The following RUNDC3B variants were observed in gnomAD, a reference collection of about 807,000 sequenced individuals.
The protein encoded by RUNDC3B is RUN domain-containing protein 3B.
RUNDC3B carries 33 observed loss-of-function variants against 58.4 expected under a neutral mutation model. That is an observed-to-expected ratio of 0.56 (90% CI 0.43 to 0.75). RUNDC3B has a LOEUF of 0.75. RUNDC3B is among the 30% of genes least tolerant of loss of function. The pLI is 0.00. For missense variants in RUNDC3B, 501 were observed against 535.7 expected (o/e 0.94, Z 0.64); for synonymous variants, 193 against 195.2 (o/e 0.99, Z 0.10).
At chr7:87,740,000 T>C (rs1832220269) in intron 5 of RUNDC3B, 120 bp downstream of exon 5, 1 of 453,730 alleles carries the variant, frequency 2.2e-6, no homozygotes. Flanking sequence ...ATTTGATTCA[T>C]GTTGTTCTCT....
intron 8 of RUNDC3B, among the ~76,000 whole-genome samples, chr7:87,803,765 G>A (rs997530281): frequency 3.3e-5 from 5 of 151,804 alleles, no homozygotes; most frequent in Non-Finnish European, 7.4e-5. Context: ...TATTTTTTTC[G>A]ATTGTCATGA....
intron 9 of RUNDC3B, among the ~76,000 whole-genome samples, chr7:87,808,169 C>A (rs188260882): frequency 6.6e-6 from 1 of 151,984 alleles, no homozygotes; most frequent in African/African-American, 2.4e-5. Flanking sequence ...ATTTTTCTAT[C>A]TTAAGCTAAT....
At chr7:87,659,037 CCA>C (rs1461119904) in intron 2 of RUNDC3B, among the ~76,000 whole-genome samples, 1 of 152,022 alleles carries the variant, frequency 6.6e-6, no homozygotes, top group African/African-American at 2.4e-5. Flanking sequence ...TCTGTGGGTC[CCA>C]CCTATTTGGG....
intron 7 of RUNDC3B, among the ~76,000 whole-genome samples, chr7:87,770,992 T>A (rs961834666): frequency 5.3e-5 from 8 of 152,220 alleles, no homozygotes; most frequent in Non-Finnish European, 1.2e-4. Flanking sequence ...GCAGCTTAAT[T>A]TATGTATTTG....
At chr7:87,798,800 A>G (rs1157719314) in intron 8 of RUNDC3B, among the ~76,000 whole-genome samples, 2 of 152,186 alleles carry the variant, frequency 1.3e-5, no homozygotes, top group East Asian at 3.8e-4. Context: ...AGACTTGTTT[A>G]GATTTAGGTT....
In RUNDC3B at chr7:87,650,979, T is replaced by G. The variant is rs768892674; in HGVS notation, c.238+42T>G. The G allele has an allele frequency of 1.3e-5, 15 of 1,153,454 alleles. No individual in the cohort carries two copies. In the Admixed American group the frequency reaches 2.7e-4, roughly 21 times the overall value. The allele number at this position is 1,153,454 out of a possible 1,614,324, so 71.5% of individuals were successfully genotyped here. A position where few individuals can be genotyped will look rare whatever the true frequency, so the allele number is the denominator to read the frequency against. On this transcript the variant is annotated intron_variant, in intron 2 of 10. Transcript: ENST00000394654. Reference sequence around the variant, plus strand: ...ACTATTTATTTTCCCACCAGCTGTCTTTATAATAAGCTTGAAATTTTAGAA... The same window carrying G: ...ACTATTTATTTTCCCACCAGCTGTCGTTATAATAAGCTTGAAATTTTAGAA...
chr7:87,820,856 T>C (rs1171798728), intron 10 of RUNDC3B, among the ~76,000 whole-genome samples: 39 of 151,894 alleles, frequency 2.6e-4, no homozygotes, highest in Non-Finnish European at 2.9e-5. Context: ...TGCTAAAAAC[T>C]CTCAATAAAT....
At chr7:87,644,877 C>T (rs1822825548) in intron 1 of RUNDC3B, among the ~76,000 whole-genome samples, 1 of 151,792 alleles carries the variant, frequency 6.6e-6, no homozygotes, top group South Asian at 2.1e-4. Context: ...TTTGTCCTCA[C>T]ATTTAAAATT....
chr7:87,672,704 T>C (rs1825951733), intron 2 of RUNDC3B, among the ~76,000 whole-genome samples: 1 of 152,124 alleles, frequency 6.6e-6, no homozygotes, highest in African/African-American at 2.4e-5. Context: ...GTGGAATGGG[T>C]TCACAAGGAG....
intron 2 of RUNDC3B, among the ~76,000 whole-genome samples, chr7:87,661,913 C>G (rs930943428): frequency 1.3e-5 from 2 of 151,924 alleles, no homozygotes; most frequent in African/African-American, 4.8e-5. Flanking sequence ...CACCAGTATT[C>G]ATTATTGCTT....
intron 2 of RUNDC3B, among the ~76,000 whole-genome samples, chr7:87,698,336 C>T (rs992422725): frequency 6.6e-6 from 1 of 152,130 alleles, no homozygotes; most frequent in Non-Finnish European, 1.5e-5. Context: ...CCACATGATC[C>T]TCCCACCTCG....
chr7:87,705,455 A>G (rs1418691798), intron 3 of RUNDC3B, among the ~76,000 whole-genome samples: 1 of 152,150 alleles, frequency 6.6e-6, no homozygotes, highest in African/African-American at 2.4e-5. Flanking sequence ...AACAACAAAA[A>G]AAAACAATGA....
intron 2 of RUNDC3B, among the ~76,000 whole-genome samples, chr7:87,657,770 C>A (rs1054895280): frequency 2.6e-5 from 4 of 152,100 alleles, no homozygotes; most frequent in African/African-American, 9.7e-5. Flanking sequence ...CCAGTGGAAA[C>A]CATGTAGGAA....
chr7:87,754,270 G>A (rs1429538150), intron 6 of RUNDC3B, among the ~76,000 whole-genome samples: 2 of 152,104 alleles, frequency 1.3e-5, no homozygotes, highest in African/African-American at 4.8e-5. Context: ...CAAAATAGAA[G>A]TCAAGACTCT....
chr7:87,766,314 T>C lies in RUNDC3B; in HGVS notation c.630-4267T>C, dbSNP rs115731826. Among the ~76,000 whole-genome samples the C allele has an allele frequency of 1.2e-3, 178 of 152,286 alleles. 2 individuals carry two copies. Among genetic ancestry groups the C allele is most frequent in the African/African-American group, 4.2e-3 (173 of 41,560 alleles). On this transcript the variant is annotated intron_variant, in intron 6 of 10. Transcript: ENST00000394654. ...GTTGATAACTAGTTGCTTTGTAATC[T>C]CAATTGTGTAATTGCTTTATCGGCT...
intron 4 of RUNDC3B, among the ~76,000 whole-genome samples, chr7:87,723,821 C>A (rs1181558972): frequency 1.3e-5 from 2 of 151,838 alleles, no homozygotes; most frequent in Non-Finnish European, 2.9e-5. Flanking sequence ...TGACAAAAAT[C>A]AGCCAATATT....
At chr7:87,718,566 ACT>A (rs757167842) in intron 4 of RUNDC3B, among the ~76,000 whole-genome samples, 47 of 151,906 alleles carry the variant, frequency 3.1e-4, no homozygotes, top group Admixed American at 3.9e-4. Flanking sequence ...CTATATGTTA[ACT>A]CTTTCTGCAC....
chr7:87,715,307 A>G (rs899502631), intron 4 of RUNDC3B, among the ~76,000 whole-genome samples: 19 of 132,654 alleles, frequency 1.4e-4, no homozygotes, highest in Non-Finnish European at 2.5e-4. Flanking sequence ...ATAATTATAT[A>G]TAATTAATTT....
intron 6 of RUNDC3B, among the ~76,000 whole-genome samples, chr7:87,744,405 A>G (rs755686611): frequency 6.6e-6 from 1 of 152,014 alleles, no homozygotes; most frequent in Non-Finnish European, 1.5e-5. Flanking sequence ...TTTTGGTAGT[A>G]TGGTCATTAT....
Sources: allele counts gnomAD v4.1 joint callset (sites outside exome capture counted in the v4.1 genomes callset), GRCh38; gene constraint gnomAD v4.1.1; transcripts MANE v1.5; gene names NCBI Gene and HGNC (gene_info 2026-07-23, HGNC 2026-07-21).